Variants in MUC7 observed in about 807,000 individuals in gnomAD.
The protein encoded by MUC7 is mucin 7, secreted.
MUC7 carries 2 observed loss-of-function variants against 2.5 expected under a neutral mutation model. That is an observed-to-expected ratio of 0.81 (90% CI 0.33 to 2.55). MUC7 has a LOEUF of 2.55. Ranked by LOEUF, MUC7 falls within the 30% of genes most tolerant of loss-of-function variation. MUC7 has a pLI of 0.11. For missense variants in MUC7, 408 were observed against 455.6 expected, an observed-to-expected ratio of 0.90 and a Z score of 0.95; for synonymous variants, 133 against 173.4, an observed-to-expected ratio of 0.77 and a Z score of 1.83.
chr4:70,445,684 C>T (rs1734114530), intron 1 of MUC7, among the ~76,000 whole-genome samples: 1 of 152,086 alleles, frequency 6.6e-6, no homozygotes, highest in Admixed American at 6.6e-5. Flanking sequence ...TGAGCTTTGT[C>T]TAAGTAAGAC....
Position 70,482,137 on chromosome 4 carries a change from A to G in MUC7, c.*259A>G, listed in dbSNP as rs3733491. 244,579 of 444,066 alleles carry G rather than the reference A, an allele frequency of 0.55. 69,319 individuals carry two copies. The highest frequency in any genetic ancestry group is 0.77 in the East Asian group (19,269 of 24,920). 27.5% of individuals were successfully genotyped at this position (444,066 alleles called of 1,614,324 possible). ...CTACAGAGATAGCCTACTGAGGGCA[A>G]AGAAAGTCCTTAGATAAAGAGAGAA... On this transcript the variant is annotated 3_prime_UTR_variant, in exon 3 of 3. Transcript: ENST00000304887.
At chr4:70,466,671 A>G (rs1013574654) in intron 1 of MUC7, among the ~76,000 whole-genome samples, 2 of 152,138 alleles carry the variant, frequency 1.3e-5, no homozygotes, top group African/African-American at 4.8e-5. Flanking sequence ...ACAGCATTAC[A>G]TAATGGTAAA....
At position 70,462,134 on chromosome 4, in the gene MUC7, G is replaced by A. The variant is rs377506444; in HGVS notation, c.-92-10081G>A. ...AAGCTGAGGCGGGAGGATCACTTGAGCCCAAAGGTCAAGACTGCAGTGAGC... is the reference window on the plus strand; with the variant it reads ...AAGCTGAGGCGGGAGGATCACTTGAACCCAAAGGTCAAGACTGCAGTGAGC... On this transcript the variant is annotated intron_variant, in intron 1 of 3. Transcript: ENST00000413702. 8.5e-5 allele frequency among the ~76,000 whole-genome samples: 13 copies of A among 152,050 alleles called. No individual in the cohort carries two copies. In the East Asian group the frequency reaches 2.5e-3, roughly 29 times the overall value.
At chr4:70,475,810 C>T (rs1036065730) in intron 2 of MUC7, among the ~76,000 whole-genome samples, 4 of 152,066 alleles carry the variant, frequency 2.6e-5, no homozygotes, top group Non-Finnish European at 4.4e-5. Context: ...CAGAATATTA[C>T]GCCAGTAGAG....
chr4:70,468,825 T>C (rs899691086), upstream of MUC7, among the ~76,000 whole-genome samples: 2 of 152,136 alleles, frequency 1.3e-5, no homozygotes, highest in Non-Finnish European at 2.9e-5. Flanking sequence ...AAAATGGCCA[T>C]AGTGCCTAAA....
At chr4:70,440,191 G>T (rs1733966681) in intron 1 of MUC7, among the ~76,000 whole-genome samples, 2 of 152,026 alleles carry the variant, frequency 1.3e-5, no homozygotes, top group South Asian at 4.1e-4. Flanking sequence ...TATTATATCT[G>T]CATAATATTA....
intron 1 of MUC7, among the ~76,000 whole-genome samples, chr4:70,440,355 C>T (rs1733970795): frequency 6.6e-6 from 1 of 152,082 alleles, no homozygotes; most frequent in South Asian, 2.1e-4. Flanking sequence ...GAGGAATATA[C>T]AATAATATTT....
chr4:70,458,681 A>G (rs1429927851), intron 1 of MUC7, among the ~76,000 whole-genome samples: 1 of 152,148 alleles, frequency 6.6e-6, no homozygotes, highest in African/African-American at 2.4e-5. Context: ...ATGTAAAACA[A>G]GTTAAAGAAA....
rs190218925 is a variant in MUC7 at position 70,432,602 on chromosome 4, G to C, written c.-93+1915G>C. 3.3e-5 allele frequency among the ~76,000 whole-genome samples: 5 copies of C among 152,084 alleles called. No individual in the cohort carries two copies. In the East Asian group the frequency reaches 9.6e-4, roughly 29 times the overall value. On this transcript the variant is annotated intron_variant, in intron 1 of 3. Coordinates refer to the MUC7 transcript ENST00000413702. ...CACTTTTTGATGGGGTTTTTTTCTT[G>C]TAAATTTGTTTAAGCTCTTTGTAGA...
chr4:70,473,842 AG>A lies in MUC7; in HGVS notation c.-15-164del, dbSNP rs368216134. ...CTAAAAGAATGCATTTTAGGCCTGA[AG>A]CAATTTTGCATCACCCCTATGGAAT... is the stretch of plus-strand genomic sequence containing the variant. On this transcript the variant is annotated intron_variant, in intron 1 of 2. Coordinates refer to ENST00000304887, the MANE Select transcript of MUC7 (RefSeq NM_152291.3). Among the ~76,000 whole-genome samples the A allele has an allele frequency of 1.8e-4, 27 of 152,298 alleles. No homozygotes were observed. The South Asian group carries it at 5.4e-3, about 30-fold the overall frequency.
chr4:70,461,387 A>G (rs72655151), intron 1 of MUC7, among the ~76,000 whole-genome samples: 54,708 of 152,090 alleles, frequency 0.36, 10,349 homozygotes, highest in Admixed American at 0.44. Flanking sequence ...CACACTTTCT[A>G]TATGCAGATG....
chr4:70,432,509 AT>A (rs1207046589), intron 1 of MUC7, among the ~76,000 whole-genome samples: 1 of 152,062 alleles, frequency 6.6e-6, no homozygotes, highest in African/African-American at 2.4e-5. Context: ...GATGATGAGC[AT>A]TTTTTCATGT....
chr4:70,450,528 A>G (rs919836722), intron 1 of MUC7, among the ~76,000 whole-genome samples: 9 of 152,242 alleles, frequency 5.9e-5, no homozygotes, highest in African/African-American at 1.9e-4. Flanking sequence ...TTTGCCTGAT[A>G]GCCACCACAG....
intron 1 of MUC7, among the ~76,000 whole-genome samples, chr4:70,449,667 G>A (rs371696533): frequency 5.2e-4 from 79 of 152,280 alleles, no homozygotes; most frequent in African/African-American, 1.2e-3. Context: ...AGTGGGCACC[G>A]CGAGTCAGTA....
chr4:70,458,370 G>A (rs893860961), intron 1 of MUC7, among the ~76,000 whole-genome samples: 3 of 152,078 alleles, frequency 2.0e-5, no homozygotes, highest in African/African-American at 7.2e-5. Flanking sequence ...GTGATACAAG[G>A]ATATTGGTAA....
chr4:70,462,223 AAGAG>A (rs10567989), intron 1 of MUC7, among the ~76,000 whole-genome samples: 8,584 of 149,344 alleles, frequency 0.057, 731 homozygotes, highest in African/African-American at 0.19. Flanking sequence ...AAAAAAAAGA[AAGAG>A]AGAGAGAGAG....
At chr4:70,464,532 G>T (rs538670331) in intron 1 of MUC7, among the ~76,000 whole-genome samples, 66 of 152,288 alleles carry the variant, frequency 4.3e-4, no homozygotes, top group Non-Finnish European at 1.9e-4. Flanking sequence ...ACAGTCTGAA[G>T]TCAATCTGGG....
chr4:70,458,253 T>C (rs1734461373), intron 1 of MUC7, among the ~76,000 whole-genome samples: 2 of 151,994 alleles, frequency 1.3e-5, no homozygotes, highest in East Asian at 3.9e-4. Context: ...AAAAAAAGAT[T>C]GATAAAATCT....
chr4:70,461,559 A>G (rs985844355), intron 1 of MUC7, among the ~76,000 whole-genome samples: 3 of 152,174 alleles, frequency 2.0e-5, no homozygotes, highest in Non-Finnish European at 4.4e-5. Context: ...CTGCCCTTTA[A>G]GTCTAATGCC....
Sources: allele counts gnomAD v4.1 joint callset (sites outside exome capture counted in the v4.1 genomes callset), GRCh38; gene constraint gnomAD v4.1.1; transcripts MANE v1.5; gene names NCBI Gene and HGNC (gene_info 2026-07-23, HGNC 2026-07-21).